EDA: variants seen among roughly 807,000 people sequenced by gnomAD.
EDA encodes ectodysplasin-A.
A neutral mutation model predicts 23.6 loss-of-function variants in EDA; 2 were observed. That is an observed-to-expected ratio of 0.08 (90% CI 0.03 to 0.27). The LOEUF (loss-of-function observed/expected upper bound fraction) is 0.27. Among genes scored for constraint, EDA ranks in the 10% least tolerant of loss-of-function variants. The probability of loss-of-function intolerance (pLI) is 1.00; values close to 1 mark genes in which losing one functional copy is unlikely to be tolerated. For synonymous variants in EDA, 131 were observed against 132.0 expected (o/e 0.99, Z 0.05); for missense variants, 229 against 324.2 (o/e 0.71, Z 2.26).
intron 1 of EDA, among the ~76,000 whole-genome samples, chrX:69,751,663 G>A (rs1258013620): frequency 4.5e-5 from 5 of 111,910 alleles, no homozygotes; most frequent in Non-Finnish European, 3.8e-5. Context: ...CATGAGCATG[G>A]AATGTTCTTC....
rs2013403169 is a variant in EDA at position 69,740,063 on chromosome X, A to G, written c.396+123359A>G. On this transcript the variant is annotated intron_variant, in intron 1 of 7. Transcript: ENST00000374552. ...CCTTACTTCAGTACAGCTTGTTCTC[A>G]CCCACCTGTGTGGTGCTGTTATTGT... 2.7e-5 allele frequency among the ~76,000 whole-genome samples: 3 copies of G among 110,991 alleles called. No individual in the cohort carries two copies. The South Asian group carries it at 1.1e-3, about 42-fold the overall frequency.
At chrX:69,751,897 G>A (rs1019485818) in intron 1 of EDA, among the ~76,000 whole-genome samples, 31 of 109,116 alleles carry the variant, frequency 2.8e-4, no homozygotes, top group African/African-American at 9.1e-4. Flanking sequence ...CCTGTTATAG[G>A]AATGCTTGTG....
At chrX:69,989,855 AC>A (rs909485930) in intron 2 of EDA, among the ~76,000 whole-genome samples, 2 of 108,592 alleles carry the variant, frequency 1.8e-5, no homozygotes, top group African/African-American at 6.7e-5. Context: ...GCCTCAGGGA[AC>A]CCGTGGGACA....
intron 1 of EDA, among the ~76,000 whole-genome samples, chrX:69,752,262 GT>G (rs2013912632): frequency 9.0e-6 from 1 of 111,513 alleles, no homozygotes; most frequent in Non-Finnish European, 1.9e-5. Flanking sequence ...TCAGTACCTA[GT>G]TTATTGAGAG....
At chrX:69,759,985 CTG>C (rs1299829922) in intron 1 of EDA, among the ~76,000 whole-genome samples, 2 of 109,156 alleles carry the variant, frequency 1.8e-5, no homozygotes, top group Non-Finnish European at 3.8e-5. Context: ...TACCTTAAGA[CTG>C]TATTACAGCA....
intron 1 of EDA, among the ~76,000 whole-genome samples, chrX:69,860,148 A>G (rs2017350614): frequency 9.0e-6 from 1 of 111,351 alleles, no homozygotes; most frequent in Non-Finnish European, 1.9e-5. Flanking sequence ...TCTCTTGAAG[A>G]CAGCATACCA....
chrX:70,030,616 G>A (rs1048240166), intron 6 of EDA, 96 bp downstream of exon 6: 5 of 807,099 alleles, frequency 6.2e-6, no homozygotes, highest in East Asian at 6.9e-5. Flanking sequence ...CTCCCAGGCC[G>A]CTGAGGTACC....
intron 1 of EDA, among the ~76,000 whole-genome samples, chrX:69,654,365 C>G (rs1033776140): frequency 2.7e-5 from 3 of 111,402 alleles, no homozygotes; most frequent in Non-Finnish European, 5.7e-5. Context: ...TAAACTAGTT[C>G]AACCATTGTG....
At chrX:69,644,172 G>T (rs771085013) in intron 1 of EDA, among the ~76,000 whole-genome samples, 82 of 110,126 alleles carry the variant, frequency 7.4e-4, no homozygotes, top group African/African-American at 2.6e-3. Flanking sequence ...TGAGAGTAGT[G>T]TTGAATCTAT....
intron 1 of EDA, among the ~76,000 whole-genome samples, chrX:69,920,594 T>C (rs760004974): frequency 1.5e-4 from 17 of 111,381 alleles, no homozygotes; most frequent in African/African-American, 5.5e-4. Context: ...TAGAATGGGG[T>C]TATGGGCTTT....
intron 1 of EDA, among the ~76,000 whole-genome samples, chrX:69,677,167 T>A (rs1316732318): frequency 1.9e-5 from 2 of 104,111 alleles, no homozygotes; most frequent in African/African-American, 7.0e-5. Flanking sequence ...CTCATCCTTT[T>A]TTATGGCTGC....
chrX:69,641,148 A>G (rs1022565672), intron 1 of EDA, among the ~76,000 whole-genome samples: 5 of 111,010 alleles, frequency 4.5e-5, no homozygotes, highest in Admixed American at 9.6e-5. Flanking sequence ...TTCCTGACAC[A>G]TAACTGCTAA....
At chrX:69,751,743 T>C (rs760682011) in intron 1 of EDA, among the ~76,000 whole-genome samples, 21 of 111,591 alleles carry the variant, frequency 1.9e-4, no homozygotes, top group South Asian at 7.5e-4. Context: ...GTCCTTCACA[T>C]CCCTTGTAAG....
intron 1 of EDA, among the ~76,000 whole-genome samples, chrX:69,722,704 G>A (rs1312697863): frequency 9.0e-6 from 1 of 111,118 alleles, no homozygotes; most frequent in East Asian, 2.8e-4. Context: ...CATTACACTA[G>A]TAGAGCTATG....
rs1934252723 is a variant in EDA, at chrX:69,679,611, G to C, written c.396+62907G>C. On this transcript the variant is annotated intron_variant, in intron 1 of 7. Transcript: ENST00000374552. ...AGATTTTCTAGTGTATTTGTGTAGA[G>C]GTGTTTGTCGTATTCTCTGATGGTA... 1.8e-5 allele frequency among the ~76,000 whole-genome samples: 2 copies of C among 111,902 alleles called. 1 individual carries two copies. The highest frequency in any genetic ancestry group is 7.5e-4 in the South Asian group (2 of 2,665).
At chrX:69,813,098 T>C (rs1008723519) in intron 1 of EDA, among the ~76,000 whole-genome samples, 1 of 111,196 alleles carries the variant, frequency 9.0e-6, no homozygotes, top group Admixed American at 9.6e-5. Context: ...GTAATCCTTT[T>C]ATGTGTTCTT....
intron 6 of EDA, among the ~76,000 whole-genome samples, chrX:70,032,573 G>A (rs2020215165): frequency 9.0e-6 from 1 of 111,719 alleles, no homozygotes; most frequent in African/African-American, 3.3e-5. Context: ...TCTTTCTGCA[G>A]GATGGAAAGA....
intron 1 of EDA, among the ~76,000 whole-genome samples, chrX:69,950,645 T>C (rs1310079064): frequency 1.3e-5 from 1 of 78,677 alleles, no homozygotes; most frequent in Non-Finnish European, 2.4e-5. Context: ...TGCACACGTA[T>C]GTTTATTGCG....
At chrX:69,924,021 T>A (rs1433400813) in intron 1 of EDA, among the ~76,000 whole-genome samples, 1 of 111,476 alleles carries the variant, frequency 9.0e-6, no homozygotes, top group Non-Finnish European at 1.9e-5. Flanking sequence ...ATTGGGGTTG[T>A]TTTTTTCTTG....
Sources: allele counts gnomAD v4.1 joint callset (sites outside exome capture counted in the v4.1 genomes callset), GRCh38; gene constraint gnomAD v4.1.1; transcripts MANE v1.5; gene names NCBI Gene and HGNC (gene_info 2026-07-23, HGNC 2026-07-21).